The following EHHADH variants were observed in gnomAD, a reference collection of about 807,000 sequenced individuals.
EHHADH encodes the protein enoyl-CoA hydratase and 3-hydroxyacyl CoA dehydrogenase.
In EHHADH, 48 loss-of-function variants were observed where a neutral mutation model predicts 64.4. The ratio of observed to expected loss-of-function variants is 0.75; its 90% confidence interval spans 0.59 to 0.95. The LOEUF is 0.95. EHHADH is among the 40% of genes least tolerant of loss of function. The probability of loss-of-function intolerance (pLI) is 0.00; values close to 1 mark genes in which losing one functional copy is unlikely to be tolerated. For synonymous variants in EHHADH, 308 were observed against 326.7 expected (o/e 0.94, Z 0.62); for missense variants, 854 against 876.6 (o/e 0.97, Z 0.33).
At chr3:185,253,820 A>C in intron 1 of EHHADH, 129 bp downstream of exon 1, 1 of 1,418,190 alleles carries the variant, frequency 7.1e-7, no homozygotes, top group Non-Finnish European at 9.3e-7. Context: ...AGTTCCTGGC[A>C]TGTACCAGTT....
At position 185,194,520 on chromosome 3, in the gene EHHADH, G is replaced by A. The variant is rs1249897958; in HGVS notation, c.911-1033C>T. 4.6e-5 allele frequency among the ~76,000 whole-genome samples: 7 copies of A among 151,906 alleles called. No homozygotes were observed. The South Asian group carries it at 8.3e-4, about 18-fold the overall frequency. On this transcript the variant is annotated intron_variant, in intron 6 of 6. Coordinates refer to ENST00000231887, the MANE Select transcript of EHHADH (RefSeq NM_001966.4). ...CCCACTACTTGGGAGGCTGAGGCAG[G>A]AGAATCACTTGAACCCAGGTGGCAG... is the stretch of plus-strand genomic sequence containing the variant.
chr3:185,204,543 T>C lies in EHHADH; in HGVS notation c.783A>G (p.Gln261=), dbSNP rs138063371. The C allele has an allele frequency of 3.7e-5, 60 of 1,614,238 alleles. No homozygotes were observed. In the East Asian group the frequency reaches 1.1e-3, roughly 29 times the overall value. Reference sequence around the variant, plus strand: ...ATTGCAGGGCTCTAGCCTGCCCTGATTGCAAAAGATATAGAAACAGCTCCT... The same window carrying C: ...ATTGCAGGGCTCTAGCCTGCCCTGACTGCAAAAGATATAGAAACAGCTCCT... ...KEEELFLYLL[Q]SGQARALQYA... Residue 261 remains glutamine, a synonymous_variant, in exon 6 of 7, where the codon CAA becomes CAG. Coordinates refer to ENST00000231887, the MANE Select transcript of EHHADH (RefSeq NM_001966.4).
chr3:185,227,716 C>T (rs1429908086), intron 4 of EHHADH, among the ~76,000 whole-genome samples: 1 of 152,102 alleles, frequency 6.6e-6, no homozygotes, highest in Non-Finnish European at 1.5e-5. Context: ...ATCCCAGCTA[C>T]TTGGGAGGCT....
In EHHADH at chr3:185,191,295, G is replaced by T. The variant is rs1191965231; in HGVS notation, c.*931C>A. ...TTATGGCTGAATAATATAGTCCATTGTATGGATATACCAGATTTGGTTTAT... is the reference window on the plus strand; with the variant it reads ...TTATGGCTGAATAATATAGTCCATTTTATGGATATACCAGATTTGGTTTAT... On this transcript the variant is annotated 3_prime_UTR_variant, in exon 7 of 7. Coordinates refer to ENST00000231887, the MANE Select transcript of EHHADH (RefSeq NM_001966.4). The T allele has an allele frequency of 6.6e-6, 1 of 152,084 alleles. No individual in the cohort carries two copies. Among genetic ancestry groups the T allele is most frequent in the Non-Finnish European group, 1.5e-5 (1 of 68,050 alleles). 9.4% of individuals were successfully genotyped at this position (152,084 alleles called of 1,614,324 possible). A position where few individuals can be genotyped will look rare whatever the true frequency, so the allele number is the denominator to read the frequency against.
At chr3:185,236,210 G>A (rs1164126210) in intron 2 of EHHADH, among the ~76,000 whole-genome samples, 2 of 152,138 alleles carry the variant, frequency 1.3e-5, no homozygotes, top group Non-Finnish European at 2.9e-5. Flanking sequence ...CCTGAGCTCT[G>A]CCTTCTGTCA....
In EHHADH at chr3:185,253,887, C is replaced by T. The variant is rs1341523069; in HGVS notation, c.74+62G>A. On this transcript the variant is annotated intron_variant, in intron 1 of 6. Transcript: ENST00000231887. ...ACCGACGGGGGAGAGTCAAAGCCTC[C>T]GGAGCCAGAGGGCGGCTAAGGCCCG... 7 of 1,596,300 alleles carry T rather than the reference C, an allele frequency of 4.4e-6. No homozygotes were observed. The African/African-American group carries it at 5.4e-5, about 12-fold the overall frequency.
chr3:185,246,056 A>C, intron 2 of EHHADH: 1 of 1,289,326 alleles, frequency 7.8e-7, no homozygotes, highest in Non-Finnish European at 1.1e-6. Context: ...TGGGAACTTG[A>C]CATTCTTCTT....
At chr3:185,218,040 C>A (rs1718738151) in intron 5 of EHHADH, 96 bp downstream of exon 5, 2 of 786,128 alleles carry the variant, frequency 2.5e-6, no homozygotes, top group Non-Finnish European at 3.9e-6. Flanking sequence ...GCTGGGATTA[C>A]AGGCGTGAGC....
Position 185,193,382 on chromosome 3 carries a change from A to G in EHHADH, c.1016T>C (p.Met339Thr), listed in dbSNP as rs200025508. 2 of 1,614,182 alleles carry G rather than the reference A, an allele frequency of 1.2e-6. No individual in the cohort carries two copies. The highest frequency in any genetic ancestry group is 2.2e-5 in the East Asian group (1 of 44,884). ...TTCTTTTTCCAAGACAGAGGTTATC[A>G]TCTTGTTTGCAGTTGCTAGCTGGTT... is the stretch of plus-strand genomic sequence containing the variant. Reference protein sequence around the residue: ...DKNQLATANKMITSVLEKEAS... With the variant: ...DKNQLATANKTITSVLEKEAS... Residue 339 changes from methionine to threonine, a missense_variant, in exon 7 of 7, where the codon ATG becomes ACG. By Grantham distance (81) the Met-to-Thr change is moderately conservative. Transcript: ENST00000231887.
chr3:185,203,772 G>A (rs1416069898), intron 6 of EHHADH, among the ~76,000 whole-genome samples: 1 of 152,130 alleles, frequency 6.6e-6, no homozygotes, highest in East Asian at 1.9e-4. Flanking sequence ...GCCACACCTT[G>A]AAATGTGGTA....
chr3:185,250,153 C>T (rs748993972), intron 1 of EHHADH, among the ~76,000 whole-genome samples: 2 of 152,208 alleles, frequency 1.3e-5, no homozygotes, highest in Non-Finnish European at 2.9e-5. Flanking sequence ...CTTCACTATT[C>T]TGTCAGTGAC....
intron 5 of EHHADH, among the ~76,000 whole-genome samples, chr3:185,217,502 C>T (rs989129678): frequency 1.4e-5 from 2 of 147,136 alleles, no homozygotes; most frequent in South Asian, 2.2e-4. Flanking sequence ...GCCAAGATCG[C>T]GCCACTGCAC....
intron 2 of EHHADH, chr3:185,248,199 C>G: frequency 3.9e-6 from 2 of 514,134 alleles, no homozygotes; most frequent in South Asian, 5.8e-5. Flanking sequence ...TAAATATACT[C>G]TAAAAGCCCA....
chr3:185,209,997 G>C (rs1309664432), intron 5 of EHHADH, among the ~76,000 whole-genome samples: 1 of 152,200 alleles, frequency 6.6e-6, no homozygotes, highest in Non-Finnish European at 1.5e-5. Flanking sequence ...GACTCCCCCA[G>C]GGTCTACAGA....
chr3:185,241,621 T>A (rs1379254043), intron 2 of EHHADH, among the ~76,000 whole-genome samples: 1 of 152,206 alleles, frequency 6.6e-6, no homozygotes, highest in Non-Finnish European at 1.5e-5. Flanking sequence ...TGTCTATTCA[T>A]GTCCTTAGCC....
In EHHADH at chr3:185,227,292, G is replaced by T. The variant is rs544269072; in HGVS notation, c.463+2140C>A. Among the ~76,000 whole-genome samples the T allele has an allele frequency of 1.2e-3, 181 of 152,308 alleles. 1 individual carries two copies. Among genetic ancestry groups the T allele is most frequent in the African/African-American group, 3.8e-3 (158 of 41,554 alleles). On this transcript the variant is annotated intron_variant, in intron 4 of 6. Coordinates refer to ENST00000231887, the MANE Select transcript of EHHADH (RefSeq NM_001966.4). ...TCACGCCTGTAATCCCAGCACTTTG[G>T]GGGGCCAAGGCAGGCGGATCACCTG...
chr3:185,223,861 A>G lies in EHHADH; in HGVS notation c.463+5571T>C, dbSNP rs530944941. On this transcript the variant is annotated intron_variant, in intron 4 of 6. Coordinates refer to ENST00000231887, the MANE Select transcript of EHHADH (RefSeq NM_001966.4). ...AATAAAACAGAAAGAGGAGCAGGAC[A>G]CTGTAGTCCTGTCAGTTGATTGGAC... 5.9e-5 allele frequency among the ~76,000 whole-genome samples: 9 copies of G among 152,340 alleles called. No individual in the cohort carries two copies. In the East Asian group the frequency reaches 1.7e-3, roughly 29 times the overall value.
chr3:185,227,499 C>T (rs1719011111), intron 4 of EHHADH, among the ~76,000 whole-genome samples: 1 of 147,878 alleles, frequency 6.8e-6, no homozygotes, highest in Admixed American at 6.8e-5. Context: ...AGCATTGCAT[C>T]CCCGTCTGGG....
chr3:185,251,743 T>A (rs893586023), intron 1 of EHHADH, among the ~76,000 whole-genome samples: 1 of 151,638 alleles, frequency 6.6e-6, no homozygotes, highest in Non-Finnish European at 1.5e-5. Context: ...AAAGAAAAAG[T>A]GTAAGAAAAA....
Sources: allele counts gnomAD v4.1 joint callset (sites outside exome capture counted in the v4.1 genomes callset), GRCh38; gene constraint gnomAD v4.1.1; transcripts MANE v1.5; gene names NCBI Gene and HGNC (gene_info 2026-07-23, HGNC 2026-07-21).